Variants in FAM135A observed in about 807,000 individuals in gnomAD.
The protein encoded by FAM135A is family with sequence similarity 135 member A, also known as protein FAM135A.
Under a neutral mutation model 146.8 loss-of-function variants are expected in FAM135A, and 79 were observed. The observed-to-expected ratio is 0.54, with a 90% confidence interval of 0.45 to 0.65. FAM135A has a LOEUF of 0.65. FAM135A is among the 30% of genes least tolerant of loss of function. FAM135A has a pLI of 0.00. For missense variants in FAM135A, 1,623 were observed against 1,758.2 expected (o/e 0.92, Z 1.38); for synonymous variants, 562 against 603.6 (o/e 0.93, Z 1.01).
At chr6:70,452,715 C>A in intron 5 of FAM135A, 144 bp downstream of exon 5, 1 of 547,500 alleles carries the variant, frequency 1.8e-6, no homozygotes, top group Non-Finnish European at 3.1e-6. Flanking sequence ...TTTGGGGACT[C>A]AGTGAAACAG....
At chr6:70,516,364 A>G (rs1040282243) in intron 12 of FAM135A, among the ~76,000 whole-genome samples, 1 of 152,084 alleles carries the variant, frequency 6.6e-6, no homozygotes, top group African/African-American at 2.4e-5. Context: ...ATCTGCCTGT[A>G]GAAGGAGCAT....
intron 12 of FAM135A, among the ~76,000 whole-genome samples, chr6:70,514,673 C>T (rs1416604688): frequency 6.6e-6 from 1 of 151,772 alleles, no homozygotes; most frequent in African/African-American, 2.4e-5. Context: ...GAAATCACCA[C>T]TGTAGCCAGT....
intron 5 of FAM135A, among the ~76,000 whole-genome samples, chr6:70,474,258 GTTTCTTTTTCTT>G (rs149657089): frequency 0.046 from 7,013 of 152,098 alleles, 359 homozygotes; most frequent in African/African-American, 0.11. Context: ...TTGATCTCTA[GTTTCTTTTTCTT>G]TTTCTTTTTC....
At chr6:70,554,037 G>A (rs968100078) in intron 20 of FAM135A, among the ~76,000 whole-genome samples, 16 of 152,268 alleles carry the variant, frequency 1.1e-4, no homozygotes, top group South Asian at 1.0e-3. Flanking sequence ...GGCATAGTGC[G>A]TATTAAAGTG....
At chr6:70,428,139 C>T (rs10485117) in intron 3 of FAM135A, among the ~76,000 whole-genome samples, 165 bp from the exon 4 acceptor site, 3,833 of 152,226 alleles carry the variant, frequency 0.025, 164 homozygotes, top group African/African-American at 0.088. Context: ...AGTAAGTATA[C>T]ATTCTGGTCC....
chr6:70,489,457 C>G (rs1785422564), intron 10 of FAM135A, among the ~76,000 whole-genome samples: 1 of 152,120 alleles, frequency 6.6e-6, no homozygotes, highest in African/African-American at 2.4e-5. Flanking sequence ...TAGTTAACAA[C>G]AGAGTATTTG....
intron 5 of FAM135A, among the ~76,000 whole-genome samples, chr6:70,462,779 A>G (rs1388507173): frequency 6.6e-6 from 1 of 152,202 alleles, no homozygotes; most frequent in Non-Finnish European, 1.5e-5. Flanking sequence ...TAGCAGTTTC[A>G]AAAAGTTAAC....
chr6:70,431,031 A>G (rs534400285), intron 4 of FAM135A, among the ~76,000 whole-genome samples: 2 of 152,292 alleles, frequency 1.3e-5, no homozygotes, highest in Admixed American at 6.5e-5. Flanking sequence ...ACATCACTCC[A>G]TAACATGGTT....
At chr6:70,542,470 A>G (rs975424337) in intron 20 of FAM135A, among the ~76,000 whole-genome samples, 3 of 152,176 alleles carry the variant, frequency 2.0e-5, no homozygotes, top group Non-Finnish European at 2.9e-5. Context: ...GCCACCTGCT[A>G]TCAAAAGCTT....
intron 10 of FAM135A, among the ~76,000 whole-genome samples, chr6:70,489,453 A>G (rs553228158): frequency 6.6e-6 from 1 of 152,286 alleles, no homozygotes; most frequent in South Asian, 2.1e-4. Context: ...TTTTTAGTTA[A>G]CAACAGAGTA....
intron 12 of FAM135A, chr6:70,504,508 A>G (rs1789280275): frequency 6.6e-6 from 1 of 152,220 alleles, no homozygotes; most frequent in East Asian, 1.9e-4. Flanking sequence ...ATTTTTGGAC[A>G]TAACATATGT....
At chr6:70,456,448 C>G (rs1272278661) in intron 5 of FAM135A, among the ~76,000 whole-genome samples, 1 of 152,108 alleles carries the variant, frequency 6.6e-6, no homozygotes, top group Non-Finnish European at 1.5e-5. Flanking sequence ...TTCGCAGATT[C>G]CAAATAATTA....
At chr6:70,446,154 A>G (rs1404838059) in intron 4 of FAM135A, among the ~76,000 whole-genome samples, 2 of 152,214 alleles carry the variant, frequency 1.3e-5, no homozygotes. Context: ...TTAATTTTGC[A>G]ATATCCAAAG....
chr6:70,415,023 C>G lies in FAM135A; in HGVS notation c.-219-268C>G, dbSNP rs141296003. Among the ~76,000 whole-genome samples, 459 of 152,234 alleles carry G rather than the reference C, an allele frequency of 3.0e-3. 3 individuals carry two copies. Among genetic ancestry groups the G allele is most frequent in the African/African-American group, 0.011 (438 of 41,540 alleles). On this transcript the variant is annotated intron_variant, in intron 1 of 21. Transcript: ENST00000418814. ...CTATTGCAATTGATTGCATAATTTT[C>G]CTGAGAGTCTCTGTTCTCTAATAAA...
chr6:70,544,232 C>A (rs1192523969), intron 20 of FAM135A, among the ~76,000 whole-genome samples: 2 of 151,950 alleles, frequency 1.3e-5, no homozygotes, highest in South Asian at 4.1e-4. Context: ...ATTGCTTGGG[C>A]TTAGGAGTTT....
chr6:70,488,387 C>T lies in FAM135A; in HGVS notation c.824-2647C>T, dbSNP rs535361153. On this transcript the variant is annotated intron_variant, in intron 10 of 21. Transcript: ENST00000418814. ...TTTATAAAACAGTGACTCCAAAACT[C>T]ATATGTGTATATGTATATTTGAAAA... Among the ~76,000 whole-genome samples, 4 of 151,968 alleles carry T rather than the reference C, an allele frequency of 2.6e-5. No homozygotes were observed. In the East Asian group the frequency reaches 7.7e-4, roughly 29 times the overall value.
chr6:70,541,707 C>T (rs1219035564), intron 20 of FAM135A, among the ~76,000 whole-genome samples: 1 of 152,154 alleles, frequency 6.6e-6, no homozygotes, highest in Non-Finnish European at 1.5e-5. Flanking sequence ...TAGACTTATA[C>T]ACCTAGAGGC....
At chr6:70,500,184 A>G (rs1409507338) in intron 11 of FAM135A, among the ~76,000 whole-genome samples, 1 of 151,750 alleles carries the variant, frequency 6.6e-6, no homozygotes, top group East Asian at 1.9e-4. Context: ...TTCCTTTTTC[A>G]ATTCTTTTTT....
At chr6:70,541,975 T>A (rs1798009359) in intron 20 of FAM135A, among the ~76,000 whole-genome samples, 1 of 152,218 alleles carries the variant, frequency 6.6e-6, no homozygotes, top group East Asian at 1.9e-4. Context: ...CTGCCTTAGT[T>A]TAGCCTTCAT....
Sources: allele counts gnomAD v4.1 joint callset (sites outside exome capture counted in the v4.1 genomes callset), GRCh38; gene constraint gnomAD v4.1.1; transcripts MANE v1.5; gene names NCBI Gene and HGNC (gene_info 2026-07-23, HGNC 2026-07-21).